The following LHFPL3 variants were observed in gnomAD, a reference collection of about 807,000 sequenced individuals.
LHFPL3 encodes the protein LHFPL tetraspan subfamily member 3, also known as LHFPL tetraspan subfamily member 3 protein.
LHFPL3 carries 5 observed loss-of-function variants against 19.3 expected under a neutral mutation model. The observed-to-expected ratio is 0.26, with a 90% CI of 0.14 to 0.54. The LOEUF (loss-of-function observed/expected upper bound fraction) is 0.54, where lower values mean the gene tolerates loss of function less well. Among genes scored for constraint, LHFPL3 ranks in the 20% least tolerant of loss-of-function variants. LHFPL3 has a pLI of 0.94. For synonymous variants in LHFPL3, 133 were observed against 126.2 expected, an observed-to-expected ratio of 1.05 and a Z score of -0.36; for missense variants, 249 against 307.4, an observed-to-expected ratio of 0.81 and a Z score of 1.42.
chr7:104,860,058 C>T (rs1275510078), intron 2 of LHFPL3, among the ~76,000 whole-genome samples: 1 of 152,110 alleles, frequency 6.6e-6, no homozygotes, highest in Admixed American at 6.6e-5. Context: ...CCTGCTTACT[C>T]ACCACTTGGC....
intron 1 of LHFPL3, among the ~76,000 whole-genome samples, chr7:104,403,628 T>C (rs553671574): frequency 1.3e-5 from 2 of 152,130 alleles, no homozygotes; most frequent in East Asian, 3.8e-4. Context: ...AAAAATATCT[T>C]TGGAGGAAAA....
chr7:104,511,944 C>CTTTTTT lies in LHFPL3; in HGVS notation c.445+182735_445+182740dup, dbSNP rs58712044. On this transcript the variant is annotated intron_variant, in intron 1 of 2. Coordinates refer to ENST00000424859, the MANE Select transcript of LHFPL3 (RefSeq NM_199000.3). Reference sequence around the variant, plus strand: ...AATAGTGATATTTTTCTTTCCTTTTCTTTTTTTTTTTTTTTTTTTTGGAGG... The same window carrying CTTTTTT: ...AATAGTGATATTTTTCTTTCCTTTTCTTTTTTTTTTTTTTTTTTTTTTTTTTGGAGG... Among the ~76,000 whole-genome samples the CTTTTTT allele has an allele frequency of 8.7e-4, 97 of 111,904 alleles. 1 individual carries two copies. The highest frequency in any genetic ancestry group is 9.7e-4 in the Non-Finnish European group (55 of 56,488). 73.4% of individuals were successfully genotyped at this position (111,904 alleles called of 152,430 possible). A position where few individuals can be genotyped will look rare whatever the true frequency, so the allele number is the denominator to read the frequency against.
Position 104,577,448 on chromosome 7 carries a change from G to T in LHFPL3, c.446-159227G>T, listed in dbSNP as rs142196785. ...GAGGAACAGTGTTAATCCTGTTAGT[G>T]TAAATATATATACACACACACGTAT... On this transcript the variant is annotated intron_variant, in intron 1 of 2. Coordinates refer to ENST00000424859, the MANE Select transcript of LHFPL3 (RefSeq NM_199000.3). Among the ~76,000 whole-genome samples, 672 of 152,222 alleles carry T rather than the reference G, an allele frequency of 4.4e-3. 4 individuals are homozygous for T. The highest frequency in any genetic ancestry group is 0.023 in the South Asian group (113 of 4,818).
At chr7:104,345,428 A>AT (rs1790046435) in intron 1 of LHFPL3, among the ~76,000 whole-genome samples, 1 of 151,776 alleles carries the variant, frequency 6.6e-6, no homozygotes, top group African/African-American at 2.4e-5. Flanking sequence ...TAACTTTTTA[A>AT]TTTGGTTACC....
At chr7:104,552,523 G>C (rs543027388) in intron 1 of LHFPL3, among the ~76,000 whole-genome samples, 3 of 152,162 alleles carry the variant, frequency 2.0e-5, no homozygotes, top group African/African-American at 7.2e-5. Flanking sequence ...TCCTAGGGGT[G>C]GGGTAAAAAT....
At position 104,540,546 on chromosome 7, in the gene LHFPL3, G is replaced by A. The variant is rs1047632285; in HGVS notation, c.446-196129G>A. 5.9e-5 allele frequency among the ~76,000 whole-genome samples: 9 copies of A among 152,242 alleles called. No individual in the cohort carries two copies. In the South Asian group the frequency reaches 6.2e-4, roughly 11 times the overall value. ...CACTGGTCTGCAGAAAGTTAATTTC[G>A]ATATAATAAAATAACAGGGAACTGC... On this transcript the variant is annotated intron_variant, in intron 1 of 2. Coordinates refer to ENST00000424859, the MANE Select transcript of LHFPL3 (RefSeq NM_199000.3).
chr7:104,525,606 G>GTTT (rs1361749453), intron 1 of LHFPL3, among the ~76,000 whole-genome samples: 3 of 111,982 alleles, frequency 2.7e-5, no homozygotes, highest in South Asian at 2.7e-4. Flanking sequence ...TGTTTTTTGG[G>GTTT]TTTTTTTTTT....
chr7:104,564,669 C>G (rs1790084025), intron 1 of LHFPL3, among the ~76,000 whole-genome samples: 1 of 152,164 alleles, frequency 6.6e-6, no homozygotes, highest in Non-Finnish European at 1.5e-5. Flanking sequence ...ATGACTGAGG[C>G]AGTTGGATGT....
intron 1 of LHFPL3, among the ~76,000 whole-genome samples, chr7:104,333,844 A>C (rs1801613468): frequency 6.6e-6 from 1 of 152,154 alleles, no homozygotes; most frequent in Non-Finnish European, 1.5e-5. Flanking sequence ...TAAGGCCTTG[A>C]CTGTTTTTCT....
At chr7:104,391,132 T>G (rs74627352) in intron 1 of LHFPL3, among the ~76,000 whole-genome samples, 62,745 of 151,912 alleles carry the variant, frequency 0.41, 13,319 homozygotes, top group Admixed American at 0.54. Flanking sequence ...CATTCTGTAG[T>G]TTGCCTGTTC....
intron 1 of LHFPL3, among the ~76,000 whole-genome samples, chr7:104,695,290 G>A (rs1304745560): frequency 6.6e-6 from 1 of 152,174 alleles, no homozygotes; most frequent in Non-Finnish European, 1.5e-5. Flanking sequence ...TTACTCAAAT[G>A]AGTAAATGAG....
At chr7:104,507,682 T>C (rs1303627824) in intron 1 of LHFPL3, among the ~76,000 whole-genome samples, 18 of 125,466 alleles carry the variant, frequency 1.4e-4, no homozygotes, top group African/African-American at 4.7e-4. Context: ...ACCTACAAAA[T>C]GGGAGAAAAT....
At chr7:104,343,961 A>G (rs1366749170) in intron 1 of LHFPL3, among the ~76,000 whole-genome samples, 3 of 152,128 alleles carry the variant, frequency 2.0e-5, no homozygotes, top group Non-Finnish European at 4.4e-5. Flanking sequence ...AATGCTTTTA[A>G]TATTTCACCA....
chr7:104,341,302 C>G (rs753757542), intron 1 of LHFPL3, among the ~76,000 whole-genome samples: 1 of 152,100 alleles, frequency 6.6e-6, no homozygotes, highest in Admixed American at 6.6e-5. Flanking sequence ...ATTTCTTTAG[C>G]TTTTCTAAAG....
rs965061386 is a variant in LHFPL3 at position 104,805,042 on chromosome 7, G to T, written c.682+68131G>T. Reference sequence around the variant, plus strand: ...CCAGCCAGCACCCAGTGCCAATCTGGAGCAGCCAGAGGGCTCCCCTCAGGG... The same window carrying T: ...CCAGCCAGCACCCAGTGCCAATCTGTAGCAGCCAGAGGGCTCCCCTCAGGG... On this transcript the variant is annotated intron_variant, in intron 2 of 2. Coordinates refer to ENST00000424859, the MANE Select transcript of LHFPL3 (RefSeq NM_199000.3). Among the ~76,000 whole-genome samples the T allele has an allele frequency of 5.9e-5, 9 of 152,302 alleles. 1 individual carries two copies. In the East Asian group the frequency reaches 1.7e-3, roughly 29 times the overall value.
In LHFPL3 at chr7:104,457,552, G is replaced by C. The variant is rs554230829; in HGVS notation, c.445+128328G>C. Among the ~76,000 whole-genome samples, 17 of 150,974 alleles carry C rather than the reference G, an allele frequency of 1.1e-4. No individual in the cohort carries two copies. The East Asian group carries it at 3.4e-3, about 30-fold the overall frequency. ...GGGTTGGTTCCAAGTCTTTGCTATT[G>C]TGAATAGTGCCGCAGTAAACATACG... On this transcript the variant is annotated intron_variant, in intron 1 of 2. Transcript: ENST00000424859.
At chr7:104,796,030 C>T (rs1790118260) in intron 2 of LHFPL3, among the ~76,000 whole-genome samples, 1 of 152,116 alleles carries the variant, frequency 6.6e-6, no homozygotes, top group Non-Finnish European at 1.5e-5. Context: ...TTTGCTGTAA[C>T]AAGTGCTGTA....
At chr7:104,343,708 A>T (rs1296532163) in intron 1 of LHFPL3, among the ~76,000 whole-genome samples, 1 of 143,414 alleles carries the variant, frequency 7.0e-6, no homozygotes, top group Non-Finnish European at 1.5e-5. Flanking sequence ...AATATATTTT[A>T]CATTTGTGTG....
chr7:104,739,107 A>T (rs887653550), intron 2 of LHFPL3: 13 of 152,192 alleles, frequency 8.5e-5, no homozygotes, highest in African/African-American at 3.1e-4. Flanking sequence ...CTCTGAGAAG[A>T]TGTAAACAGC....
Sources: allele counts gnomAD v4.1 joint callset (sites outside exome capture counted in the v4.1 genomes callset), GRCh38; gene constraint gnomAD v4.1.1; transcripts MANE v1.5; gene names NCBI Gene and HGNC (gene_info 2026-07-23, HGNC 2026-07-21).